WSB2: variants seen among roughly 807,000 people sequenced by gnomAD.
The protein encoded by WSB2 is WD repeat and SOCS box-containing protein 2.
A neutral mutation model predicts 48.8 loss-of-function variants in WSB2; 12 were observed. The ratio of observed to expected loss-of-function variants is 0.25; its 90% CI spans 0.16 to 0.40. The LOEUF (loss-of-function observed/expected upper bound fraction) is 0.40, where lower values mean the gene tolerates loss of function less well. Among genes scored for constraint, WSB2 ranks in the 10% least tolerant of loss-of-function variants. The pLI, the probability that WSB2 is intolerant of heterozygous loss-of-function variation, is 1.00. For synonymous variants in WSB2, 191 were observed against 203.1 expected (o/e 0.94, Z 0.51); for missense variants, 317 against 506.2 (o/e 0.63, Z 3.59).
chr12:118,052,511 A>C (rs771172187), intron 1 of WSB2, 33 bp from the exon 2 acceptor site: 25 of 1,609,966 alleles, frequency 1.6e-5, no homozygotes, highest in Non-Finnish European at 7.6e-6. Flanking sequence ...TCAAACACAC[A>C]CCCCCTTGCT....
chr12:118,045,477 C>T (rs2031727751), intron 2 of WSB2, among the ~76,000 whole-genome samples: 1 of 152,050 alleles, frequency 6.6e-6, no homozygotes, highest in Admixed American at 6.5e-5. Context: ...GTGGGTGGAT[C>T]ACCTGAGGTC....
chr12:118,052,513 C>G (rs200858825), intron 1 of WSB2, 35 bp from the exon 2 acceptor site: 31 of 1,610,872 alleles, frequency 1.9e-5, no homozygotes, highest in South Asian at 1.9e-4. Context: ...AAACACACAC[C>G]CCCTTGCTCC....
intron 4 of WSB2, among the ~76,000 whole-genome samples, chr12:118,039,771 T>G (rs1415853610): frequency 6.6e-6 from 1 of 151,250 alleles, no homozygotes; most frequent in East Asian, 2.0e-4. Context: ...TGAGACAGAG[T>G]CTTGTTCTGT....
chr12:118,041,748 CTTT>C lies in WSB2; in HGVS notation c.559+1090_559+1092del, dbSNP rs150072011. ...CAATAAATTCCCCTCTCTTATGTCA[CTTT>C]TTTTTTTTTTTTTTTTTTTTTGAGA... is the stretch of plus-strand genomic sequence containing the variant. On this transcript the variant is annotated intron_variant, in intron 4 of 8. Coordinates refer to ENST00000315436, the MANE Select transcript of WSB2 (RefSeq NM_018639.5). Among the ~76,000 whole-genome samples, 357 of 101,516 alleles carry C rather than the reference CTTT, an allele frequency of 3.5e-3. 3 individuals carry two copies. The highest frequency in any genetic ancestry group is 0.013 in the African/African-American group (303 of 23,488). 66.6% of individuals were successfully genotyped at this position (101,516 alleles called of 152,430 possible).
At chr12:118,050,172 G>A (rs192576103) in intron 2 of WSB2, among the ~76,000 whole-genome samples, 10 of 151,886 alleles carry the variant, frequency 6.6e-5, no homozygotes, top group South Asian at 2.1e-4. Context: ...GCGACAGAGC[G>A]AGACTCCATC....
intron 1 of WSB2, among the ~76,000 whole-genome samples, chr12:118,058,494 A>T (rs11068798): frequency 2.0e-5 from 3 of 151,502 alleles, no homozygotes; most frequent in Admixed American, 1.3e-4. Context: ...GACTACAGGC[A>T]CATTCTACCA....
At chr12:118,041,817 C>T (rs2031642847) in intron 4 of WSB2, among the ~76,000 whole-genome samples, 1 of 139,956 alleles carries the variant, frequency 7.1e-6, no homozygotes, top group Non-Finnish European at 1.5e-5. Context: ...TGCAGTGATG[C>T]GATCTCAGCT....
rs914788162 is a variant in WSB2 at position 118,038,309 on chromosome 12, G to A, written c.639C>T (p.Cys213=). ...TCACCGACTTCTCTCCAGCTGCAGA[G>A]CACAGCATGCTGCAGTCTGGGGAGA... ...CSISPDCSML[C]SAAGEKSVFL... is the part of the protein sequence containing the mutation. Residue 213 remains cysteine (C), a synonymous_variant, in exon 5 of 9, where the codon TGC becomes TGT. Coordinates refer to ENST00000315436, the MANE Select transcript of WSB2 (RefSeq NM_018639.5). 5 of 1,613,888 alleles carry A rather than the reference G, an allele frequency of 3.1e-6. No individual in the cohort carries two copies. In the African/African-American group the frequency reaches 4.0e-5, roughly 13 times the overall value.
rs2031408125 is a variant in WSB2, at chr12:118,033,165, T to G, written c.*1031A>C. 1 of 152,222 alleles carries G rather than the reference T, an allele frequency of 6.6e-6. No individual in the cohort carries two copies. Among genetic ancestry groups the G allele is most frequent in the African/African-American group, 2.4e-5 (1 of 41,464 alleles). 9.4% of individuals were successfully genotyped at this position (152,222 alleles called of 1,614,324 possible). Reference sequence around the variant, plus strand: ...GAATGAGGTGTCTTGATTAGATAACTACATGCCACTGAAGGAGAACAGTAC... The same window carrying G: ...GAATGAGGTGTCTTGATTAGATAACGACATGCCACTGAAGGAGAACAGTAC... On this transcript the variant is annotated 3_prime_UTR_variant, in exon 9 of 9. Transcript: ENST00000315436.
chr12:118,035,396 C>T, intron 6 of WSB2, 72 bp from the exon 7 acceptor site: 1 of 1,417,540 alleles, frequency 7.1e-7, no homozygotes, highest in Non-Finnish European at 9.9e-7. Flanking sequence ...TCACCCTAGG[C>T]AGGAAGCCAA....
At chr12:118,046,146 C>T (rs560325950) in intron 2 of WSB2, among the ~76,000 whole-genome samples, 2 of 152,238 alleles carry the variant, frequency 1.3e-5, no homozygotes, top group South Asian at 4.1e-4. Context: ...GACCTTATGG[C>T]CCACAAAGCC....
At chr12:118,049,276 A>G (rs2031803987) in intron 2 of WSB2, among the ~76,000 whole-genome samples, 1 of 152,202 alleles carries the variant, frequency 6.6e-6, no homozygotes, top group Non-Finnish European at 1.5e-5. Context: ...CAAAAATATC[A>G]TATGGAAATG....
chr12:118,039,057 A>G (rs1188520156), intron 4 of WSB2, among the ~76,000 whole-genome samples: 1 of 152,170 alleles, frequency 6.6e-6, no homozygotes, highest in Non-Finnish European at 1.5e-5. Context: ...CATCATTCCC[A>G]ATTTTAAGAG....
chr12:118,059,394 A>G (rs1361256902), intron 1 of WSB2, among the ~76,000 whole-genome samples: 5 of 152,184 alleles, frequency 3.3e-5, no homozygotes, highest in Non-Finnish European at 7.3e-5. Flanking sequence ...GGGCTGGCCT[A>G]GAGGGTGCCT....
At chr12:118,036,158 C>G in intron 6 of WSB2, 180 bp downstream of exon 6, 1 of 669,704 alleles carries the variant, frequency 1.5e-6, no homozygotes. Flanking sequence ...TCCAAGATTG[C>G]GCCACTGCAC....
intron 1 of WSB2, among the ~76,000 whole-genome samples, chr12:118,053,519 G>A (rs974594064): frequency 6.6e-6 from 1 of 152,118 alleles, no homozygotes; most frequent in South Asian, 2.1e-4. Flanking sequence ...CCCCGCCCTC[G>A]TCATCAGTGT....
chr12:118,043,041 C>T, intron 3 of WSB2, 69 bp from the exon 4 acceptor site: 1 of 1,613,482 alleles, frequency 6.2e-7, no homozygotes, highest in Non-Finnish European at 8.5e-7. Flanking sequence ...ACGGCCACAC[C>T]CCTTGGCCAA....
intron 3 of WSB2, 74 bp downstream of exon 3, chr12:118,043,058 TG>T: frequency 6.2e-7 from 1 of 1,613,476 alleles, no homozygotes; most frequent in South Asian, 1.1e-5. Flanking sequence ...CCAACGTGAG[TG>T]GGGCAGGGAG....
rs563650154 is a variant in WSB2 at position 118,048,731 on chromosome 12, T to C, written c.182+3579A>G. ...ACCTTTTTTCATTTTCCTTAGCTAA[T>C]AGTGAAAAGATATATTCATCTATAC... On this transcript the variant is annotated intron_variant, in intron 2 of 8. Transcript: ENST00000315436. 2.6e-5 allele frequency among the ~76,000 whole-genome samples: 4 copies of C among 152,234 alleles called. 1 individual carries two copies. The highest frequency in any genetic ancestry group is 4.1e-4 in the South Asian group (2 of 4,824).
Sources: allele counts gnomAD v4.1 joint callset (sites outside exome capture counted in the v4.1 genomes callset), GRCh38; gene constraint gnomAD v4.1.1; transcripts MANE v1.5; gene names NCBI Gene and HGNC (gene_info 2026-07-23, HGNC 2026-07-21).